The following RAF1 variants were observed in gnomAD, a reference collection of about 807,000 sequenced individuals.
RAF1 encodes the protein RAF proto-oncogene serine/threonine-protein kinase.
In RAF1, 27 loss-of-function variants were observed where a neutral mutation model predicts 81.1. The ratio of observed to expected loss-of-function variants is 0.33; its 90% confidence interval spans 0.25 to 0.46. RAF1 has a LOEUF of 0.46. Ranked by LOEUF, RAF1 falls within the 20% of genes least tolerant of loss-of-function variation. The pLI is 1.00. For missense variants in RAF1, 598 were observed against 826.0 expected, an observed-to-expected ratio of 0.72 and a Z score of 3.38; for synonymous variants, 298 against 294.0, an observed-to-expected ratio of 1.01 and a Z score of -0.14.
intron 4 of RAF1, 44 bp from the exon 5 acceptor site, chr3:12,608,967 G>T (rs777309047): frequency 6.2e-7 from 1 of 1,609,548 alleles, no homozygotes; most frequent in East Asian, 2.2e-5. Context: ...ATAAATAAAA[G>T]ATGACAAAAG....
intron 1 of RAF1, among the ~76,000 whole-genome samples, chr3:12,626,842 G>A (rs2059717370): frequency 1.3e-5 from 2 of 151,170 alleles, no homozygotes; most frequent in African/African-American, 4.9e-5. Flanking sequence ...TGACCAACAT[G>A]GTGAAACCCC....
In RAF1 at chr3:12,585,779, A is replaced by T. The variant is rs781637309; in HGVS notation, c.1498T>A (p.Leu500Ile). 6.2e-7 allele frequency: 1 copy of T among 1,613,294 alleles called. No homozygotes were observed. The highest frequency in any genetic ancestry group is 8.5e-7 in the Non-Finnish European group (1 of 1,179,218). ...CCAAAATCTCCAATTTTCACTGTTA[A>T]GCCTTCATGGAGAAATATATCTCAA... Residue 500 changes from leucine to isoleucine, a missense_variant, in exon 15 of 18, where the codon TTA (leucine) becomes ATA (isoleucine). By Grantham distance (5) the Leu-to-Ile change is conservative (BLOSUM62 2). Transcript: ENST00000442415.
Position 12,642,026 on chromosome 3 carries a change from T to C in RAF1, c.-27+21787A>G, listed in dbSNP as rs1260902603. 2.0e-5 allele frequency among the ~76,000 whole-genome samples: 3 copies of C among 151,868 alleles called. No individual in the cohort carries two copies. The East Asian group carries it at 5.8e-4, about 29-fold the overall frequency. ...AGCTGGGCATAGTGGCAGGCACCTG[T>C]AATTTCAGCTTCTCGGGACGCTGAG... On this transcript the variant is annotated intron_variant, in intron 1 of 17. Coordinates refer to ENST00000442415, the MANE Select transcript of RAF1 (RefSeq NM_001354689.3).
chr3:12,658,059 A>G (rs920343567), intron 1 of RAF1, among the ~76,000 whole-genome samples: 4 of 152,166 alleles, frequency 2.6e-5, no homozygotes, highest in Non-Finnish European at 5.9e-5. Context: ...ATGTTGTAGT[A>G]TACACCAGTA....
intron 1 of RAF1, among the ~76,000 whole-genome samples, chr3:12,639,886 A>ACCAAAAAAGAGCCTGCATTG (rs2060132965): frequency 6.6e-6 from 1 of 152,166 alleles, no homozygotes; most frequent in South Asian, 2.1e-4. Flanking sequence ...TTCATATGGA[A>ACCAAAAAAGAGCCTGCATTG]CCAAAAAAGA....
chr3:12,607,385 C>T (rs563424607), intron 5 of RAF1, among the ~76,000 whole-genome samples: 2 of 152,308 alleles, frequency 1.3e-5, no homozygotes, highest in Non-Finnish European at 2.9e-5. Context: ...CGGTGGCTCA[C>T]ACCTGTAACC....
chr3:12,657,668 G>C (rs1348437046), intron 1 of RAF1, among the ~76,000 whole-genome samples: 1 of 151,992 alleles, frequency 6.6e-6, no homozygotes, highest in African/African-American at 2.4e-5. Flanking sequence ...CTACTCAGGA[G>C]GCTGAGGCAG....
intron 1 of RAF1, among the ~76,000 whole-genome samples, chr3:12,626,206 T>C (rs1380747195): frequency 6.7e-6 from 1 of 148,706 alleles, no homozygotes; most frequent in Non-Finnish European, 1.5e-5. Context: ...ATAGCGCCAT[T>C]GCACTCCAGC....
intron 1 of RAF1, among the ~76,000 whole-genome samples, chr3:12,639,913 C>A (rs1484492454): frequency 6.6e-6 from 1 of 152,158 alleles, no homozygotes; most frequent in Non-Finnish European, 1.5e-5. Context: ...ATTGCCAAGA[C>A]AATCCTAAGC....
At chr3:12,618,864 C>A in intron 1 of RAF1, 117 bp from the exon 2 acceptor site, 1 of 767,264 alleles carries the variant, frequency 1.3e-6, no homozygotes. Context: ...ATACCTCCTG[C>A]ATTCATCAGC....
chr3:12,652,156 C>A (rs549622189), intron 1 of RAF1, among the ~76,000 whole-genome samples: 1 of 150,826 alleles, frequency 6.6e-6, no homozygotes, highest in South Asian at 2.1e-4. Context: ...GCAGAGTCTG[C>A]AGTAAGCCAA....
At chr3:12,657,049 C>T (rs1463177895) in intron 1 of RAF1, among the ~76,000 whole-genome samples, 2 of 151,974 alleles carry the variant, frequency 1.3e-5, no homozygotes, top group African/African-American at 4.8e-5. Flanking sequence ...ATGTCAGCCT[C>T]TCTCAATTAG....
rs2058276499 is a variant in RAF1, at chr3:12,584,918, G to C, written c.1792C>G (p.Pro598Ala). The C allele has an allele frequency of 6.2e-7, 1 of 1,614,004 alleles. No individual in the cohort carries two copies. The highest frequency in any genetic ancestry group is 1.7e-5 in the Admixed American group (1 of 60,004). Residue 598 changes from proline (P) to alanine (A), a missense_variant, in exon 17 of 18, where the codon CCC becomes GCC. Coordinates refer to ENST00000442415, the MANE Select transcript of RAF1 (RefSeq NM_001354689.3). ...GCTACCAGCCTCTTCATTGCTTTGG[G>C]GCAGTTCTTATATAGCTTACTAAGA...
At chr3:12,655,708 A>T (rs900912085) in intron 1 of RAF1, among the ~76,000 whole-genome samples, 1 of 152,204 alleles carries the variant, frequency 6.6e-6, no homozygotes, top group African/African-American at 2.4e-5. Flanking sequence ...AAACAAAATG[A>T]TATATTCATA....
intron 11 of RAF1, among the ~76,000 whole-genome samples, chr3:12,596,639 G>A (rs963539154): frequency 6.6e-6 from 1 of 152,166 alleles, no homozygotes; most frequent in Non-Finnish European, 1.5e-5. Flanking sequence ...CCATAAGTGG[G>A]TGGGCTGAGT....
chr3:12,637,747 G>C (rs1466144603), intron 1 of RAF1, among the ~76,000 whole-genome samples: 5 of 151,978 alleles, frequency 3.3e-5, no homozygotes, highest in Admixed American at 3.3e-4. Flanking sequence ...CAGCTACTCG[G>C]AAGGCTGAGG....
intron 1 of RAF1, among the ~76,000 whole-genome samples, chr3:12,623,950 G>GT (rs537519110): frequency 3.0e-4 from 46 of 151,256 alleles, no homozygotes; most frequent in Non-Finnish European, 6.0e-4. Context: ...TGCCTCCCAG[G>GT]TTCAAGAAAT....
intron 1 of RAF1, among the ~76,000 whole-genome samples, chr3:12,660,260 C>T (rs2060833668): frequency 6.6e-6 from 1 of 151,764 alleles, no homozygotes; most frequent in Non-Finnish European, 1.5e-5. Flanking sequence ...TTCAGCTAAA[C>T]CAAATCCCAT....
intron 8 of RAF1, among the ~76,000 whole-genome samples, chr3:12,602,215 A>T (rs1156616040): frequency 2.0e-5 from 3 of 152,194 alleles, no homozygotes. Context: ...CTAAATACTC[A>T]AGAGAACTAT....
Sources: allele counts gnomAD v4.1 joint callset (sites outside exome capture counted in the v4.1 genomes callset), GRCh38; gene constraint gnomAD v4.1.1; transcripts MANE v1.5; gene names NCBI Gene and HGNC (gene_info 2026-07-23, HGNC 2026-07-21).